STPG2: variants seen among roughly 807,000 people sequenced by gnomAD.
STPG2 encodes sperm-tail PG-rich repeat-containing protein 2.
In STPG2, 56 loss-of-function variants were observed where a neutral mutation model predicts 54.2. That is an observed-to-expected ratio of 1.03 (90% CI 0.83 to 1.29). STPG2 has a LOEUF of 1.29. STPG2 is among the 50% of genes most tolerant of loss of function. STPG2 has a pLI of 0.00. For missense variants in STPG2, 596 were observed against 544.9 expected (o/e 1.09, Z -0.93); for synonymous variants, 200 against 181.8 (o/e 1.10, Z -0.81).
intron 5 of STPG2, among the ~76,000 whole-genome samples, chr4:98,013,279 C>T (rs1310811967): frequency 6.6e-6 from 1 of 152,150 alleles, no homozygotes; most frequent in South Asian, 2.1e-4. Flanking sequence ...GTTAAAGCAG[C>T]CTTGCATCCC....
At chr4:97,740,095 A>G (rs536695359) in intron 9 of STPG2, among the ~76,000 whole-genome samples, 1 of 152,354 alleles carries the variant, frequency 6.6e-6, no homozygotes, top group South Asian at 2.1e-4. Context: ...GCATATAAAC[A>G]GAACCAAAGA....
chr4:97,617,318 T>C (rs1212573671), intron 10 of STPG2, among the ~76,000 whole-genome samples: 4 of 152,196 alleles, frequency 2.6e-5, no homozygotes, highest in Non-Finnish European at 5.9e-5. Context: ...TATTTTATTG[T>C]TGGGATTCAA....
intron 4 of STPG2, among the ~76,000 whole-genome samples, chr4:98,106,459 A>G (rs982158334): frequency 5.3e-5 from 8 of 152,170 alleles, no homozygotes; most frequent in African/African-American, 1.9e-4. Context: ...TCATAAAATA[A>G]TCAGAAAAGG....
chr4:97,710,601 TA>T (rs1367583960), intron 10 of STPG2, among the ~76,000 whole-genome samples: 3 of 152,010 alleles, frequency 2.0e-5, no homozygotes, highest in Non-Finnish European at 2.9e-5. Flanking sequence ...CTTTTCCTGT[TA>T]AAAAACGTAA....
At chr4:97,608,592 T>C (rs1733651828) in intron 10 of STPG2, among the ~76,000 whole-genome samples, 1 of 152,118 alleles carries the variant, frequency 6.6e-6, no homozygotes, top group South Asian at 2.1e-4. Flanking sequence ...CAACTTTCCC[T>C]CGGCTTTACA....
At chr4:97,975,329 T>TA (rs1177879295) in intron 6 of STPG2, among the ~76,000 whole-genome samples, 3 of 152,132 alleles carry the variant, frequency 2.0e-5, no homozygotes, top group Admixed American at 6.5e-5. Context: ...ATCTCAACAC[T>TA]AAAAAGTTTT....
chr4:98,087,052 A>T (rs1292634178), intron 5 of STPG2, among the ~76,000 whole-genome samples: 1 of 152,206 alleles, frequency 6.6e-6, no homozygotes, highest in Non-Finnish European at 1.5e-5. Flanking sequence ...ACATGTCTTA[A>T]ATAACTTTCA....
At chr4:97,683,104 C>T (rs892038726) in intron 10 of STPG2, among the ~76,000 whole-genome samples, 7 of 151,844 alleles carry the variant, frequency 4.6e-5, no homozygotes, top group East Asian at 1.9e-4. Flanking sequence ...GGGTCAGATA[C>T]GAATTAACTT....
At chr4:97,778,341 C>A (rs988873205) in intron 9 of STPG2, among the ~76,000 whole-genome samples, 1 of 152,160 alleles carries the variant, frequency 6.6e-6, no homozygotes, top group African/African-American at 2.4e-5. Context: ...TCATTCCTAG[C>A]ACAGCAGTCT....
At chr4:98,089,517 G>A (rs1309735563) in intron 5 of STPG2, among the ~76,000 whole-genome samples, 1 of 151,870 alleles carries the variant, frequency 6.6e-6, no homozygotes, top group Admixed American at 6.6e-5. Flanking sequence ...AAACATGCAT[G>A]TGCATGTGTT....
intron 9 of STPG2, among the ~76,000 whole-genome samples, chr4:97,772,838 C>T (rs1338356074): frequency 6.6e-6 from 1 of 152,050 alleles, no homozygotes; most frequent in Admixed American, 6.6e-5. Context: ...AGGATATAAA[C>T]ATAAATAAAA....
intron 5 of STPG2, among the ~76,000 whole-genome samples, chr4:98,091,530 C>A (rs1450400685): frequency 6.6e-6 from 1 of 151,996 alleles, no homozygotes; most frequent in Non-Finnish European, 1.5e-5. Context: ...CAAGCAAAAT[C>A]AACGCATTTC....
intron 9 of STPG2, among the ~76,000 whole-genome samples, chr4:97,785,290 A>T (rs995704124): frequency 7.9e-5 from 12 of 152,052 alleles, no homozygotes; most frequent in Non-Finnish European, 1.8e-4. Context: ...AAATGCAATA[A>T]CAATTCCAAG....
chr4:97,698,744 C>A (rs1432266469), intron 10 of STPG2, among the ~76,000 whole-genome samples: 2 of 152,206 alleles, frequency 1.3e-5, no homozygotes, highest in East Asian at 3.9e-4. Context: ...CAGAGCCCGG[C>A]AAAGTATTGT....
intron 5 of STPG2, chr4:98,048,534 C>A: frequency 5.8e-6 from 1 of 172,374 alleles, no homozygotes; most frequent in East Asian, 1.3e-4. Context: ...CTGTCTCCTC[C>A]GCTTGCTTTC....
intron 7 of STPG2, among the ~76,000 whole-genome samples, chr4:97,965,035 G>A (rs1734040318): frequency 6.6e-6 from 1 of 152,180 alleles, no homozygotes; most frequent in South Asian, 2.1e-4. Context: ...GTAGGACAGG[G>A]CATCACCTCA....
intron 10 of STPG2, among the ~76,000 whole-genome samples, chr4:97,668,516 T>C (rs994249015): frequency 1.3e-5 from 2 of 151,742 alleles, no homozygotes; most frequent in Non-Finnish European, 2.9e-5. Context: ...AGGTAAAAGA[T>C]TAAAAATGAC....
At chr4:97,620,850 G>A (rs1733992891) in intron 10 of STPG2, among the ~76,000 whole-genome samples, 1 of 151,762 alleles carries the variant, frequency 6.6e-6, no homozygotes, top group South Asian at 2.1e-4. Flanking sequence ...TCACCACATG[G>A]CACATAATCA....
rs554353750 is a variant in STPG2 at position 97,838,528 on chromosome 4, CA to C, written c.1204+2244del. On this transcript the variant is annotated intron_variant, in intron 9 of 10. Coordinates refer to ENST00000295268, the MANE Select transcript of STPG2 (RefSeq NM_174952.3). ...TAGACAATTTTTTGGTTATATTGATCAAAAAAAACGTAAAACTCTATTTAAA... is the reference window on the plus strand; with the variant it reads ...TAGACAATTTTTTGGTTATATTGATCAAAAAAACGTAAAACTCTATTTAAA... Among the ~76,000 whole-genome samples, 781 of 149,606 alleles carry C rather than the reference CA, an allele frequency of 5.2e-3. 5 individuals carry two copies. The highest frequency in any genetic ancestry group is 0.026 in the South Asian group (121 of 4,730).
Sources: gnomAD v4.1 joint callset for allele counts (sites outside exome capture counted in the v4.1 genomes callset) on GRCh38, gnomAD v4.1.1 for gene constraint, MANE v1.5 for transcripts, NCBI Gene and HGNC (gene_info 2026-07-23, HGNC 2026-07-21) for gene names.